The following TENM2 variants were observed in gnomAD, a reference collection of about 807,000 sequenced individuals.
TENM2 encodes teneurin transmembrane protein 2.
In TENM2, 52 loss-of-function variants were observed where a neutral mutation model predicts 245.2. The ratio of observed to expected loss-of-function variants is 0.21; its 90% CI spans 0.17 to 0.27. The LOEUF (loss-of-function observed/expected upper bound fraction) is 0.27, where lower values mean the gene tolerates loss of function less well. TENM2 is among the 10% of genes least tolerant of loss of function. TENM2 has a pLI of 1.00. For synonymous variants in TENM2, 1,363 were observed against 1,438.9 expected (o/e 0.95, Z 1.19); for missense variants, 3,046 against 3,666.8 (o/e 0.83, Z 4.37).
At chr5:167,037,082 T>C in the TENM2 span, among the ~76,000 whole-genome samples, 1 of 152,204 alleles carries the variant, frequency 6.6e-6, no homozygotes. Context: ...TCTCCTTTGA[T>C]CTGAATTTGG....
intron 9 of TENM2, among the ~76,000 whole-genome samples, chr5:168,106,787 G>C (rs1238490055): frequency 1.3e-5 from 2 of 152,212 alleles, no homozygotes; most frequent in Non-Finnish European, 2.9e-5. Context: ...CTGGCCAGGT[G>C]CAGTGGCTCA....
chr5:168,011,776 G>A (rs2617963), intron 5 of TENM2, among the ~76,000 whole-genome samples: 2 of 152,060 alleles, frequency 1.3e-5, no homozygotes, highest in South Asian at 2.1e-4. Flanking sequence ...GAAAAGTACC[G>A]CTGAATGTAA....
the TENM2 span, among the ~76,000 whole-genome samples, chr5:167,078,269 A>C: frequency 6.6e-6 from 1 of 151,990 alleles, no homozygotes; most frequent in Non-Finnish European, 1.5e-5. Flanking sequence ...GGATCTCCTG[A>C]GGTTGGGAGT....
At chr5:167,171,641 A>G in the TENM2 span, among the ~76,000 whole-genome samples, 2 of 152,326 alleles carry the variant, frequency 1.3e-5, no homozygotes, top group East Asian at 3.9e-4. Context: ...GAGCTATGAA[A>G]GATTAACTAC....
chr5:167,135,462 T>G, the TENM2 span, among the ~76,000 whole-genome samples: 1 of 152,256 alleles, frequency 6.6e-6, no homozygotes, highest in Admixed American at 6.5e-5. Context: ...CTCTACATTC[T>G]TGGCTCTTAA....
chr5:167,893,979 C>T (rs1774970741), intron 3 of TENM2, among the ~76,000 whole-genome samples: 1 of 152,172 alleles, frequency 6.6e-6, no homozygotes, highest in Non-Finnish European at 1.5e-5. Context: ...AAGATACAGT[C>T]CCATTATGAA....
the TENM2 span, among the ~76,000 whole-genome samples, chr5:167,279,515 T>TTCCTTCCC: frequency 1.3e-4 from 1 of 7,458 alleles, no homozygotes; most frequent in Non-Finnish European, 2.8e-4. Context: ...CTTCCTTCCT[T>TTCCTTCCC]TCCTTCCTTC....
intron 2 of TENM2, among the ~76,000 whole-genome samples, chr5:167,436,684 T>C (rs1407366175): frequency 6.6e-6 from 1 of 152,126 alleles, no homozygotes; most frequent in Non-Finnish European, 1.5e-5. Flanking sequence ...TTTCATGGAC[T>C]GGGCCCAGGG....
chr5:167,704,014 A>T (rs1758339968), intron 2 of TENM2, among the ~76,000 whole-genome samples: 1 of 152,196 alleles, frequency 6.6e-6, no homozygotes, highest in Admixed American at 6.5e-5. Flanking sequence ...TGTCTTAATA[A>T]GAGAAGAAAT....
At chr5:168,137,350 T>G (rs1378023553) in intron 12 of TENM2, among the ~76,000 whole-genome samples, 1 of 152,204 alleles carries the variant, frequency 6.6e-6, no homozygotes, top group African/African-American at 2.4e-5. Context: ...TCAAAAAGTA[T>G]GCTTTAACTT....
chr5:168,263,572 C>CT (rs1768401509), downstream of TENM2: 1 of 152,596 alleles, frequency 6.6e-6, no homozygotes, highest in Admixed American at 6.5e-5. Context: ...CAGGTCCCAA[C>CT]TAAGTCTGGC....
chr5:167,619,369 A>G (rs1778007195), intron 2 of TENM2, among the ~76,000 whole-genome samples: 1 of 152,048 alleles, frequency 6.6e-6, no homozygotes, highest in African/African-American at 2.4e-5. Context: ...TTTGTCAGAG[A>G]TTGGCATTCT....
chr5:168,027,534 G>A (rs556660686), intron 5 of TENM2, among the ~76,000 whole-genome samples: 6 of 152,244 alleles, frequency 3.9e-5, no homozygotes, highest in East Asian at 3.9e-4. Context: ...TTTGAGCTCC[G>A]TGTTTTTGCC....
At chr5:167,683,249 C>CTTT (rs1554100261) in intron 2 of TENM2, among the ~76,000 whole-genome samples, 13 of 67,320 alleles carry the variant, frequency 1.9e-4, no homozygotes, top group South Asian at 4.9e-4. Flanking sequence ...AGGACCATGT[C>CTTT]TTTTTTTTTT....
At chr5:168,183,406 G>A (rs1760102370) in intron 13 of TENM2, among the ~76,000 whole-genome samples, 1 of 151,948 alleles carries the variant, frequency 6.6e-6, no homozygotes, top group Admixed American at 6.6e-5. Context: ...CCCTTTGACT[G>A]GGGTGCTGCA....
intron 16 of TENM2, 80 bp from the exon 19 acceptor site, chr5:168,199,784 G>A: frequency 6.8e-7 from 1 of 1,468,558 alleles, no homozygotes. Context: ...GAGGGACATA[G>A]CAGACAGACA....
At chr5:168,178,032 T>C (rs1007820979) in intron 13 of TENM2, among the ~76,000 whole-genome samples, 4 of 152,174 alleles carry the variant, frequency 2.6e-5, no homozygotes, top group Non-Finnish European at 4.4e-5. Flanking sequence ...GTCTGGGGCA[T>C]TTCTTTATGC....
chr5:168,198,886 G>A, exon 16 of TENM2: 1 of 1,613,942 alleles, frequency 6.2e-7, no homozygotes, highest in Non-Finnish European at 8.5e-7. Context: ...GTGCTTCCTT[G>A]ACTCTACACT....
At chr5:167,561,577 C>G (rs1484388478) in intron 2 of TENM2, among the ~76,000 whole-genome samples, 1 of 152,144 alleles carries the variant, frequency 6.6e-6, no homozygotes. Flanking sequence ...GATGAAACGT[C>G]TATGTTGTTT....
Sources: gnomAD v4.1 joint callset for allele counts (sites outside exome capture counted in the v4.1 genomes callset) on GRCh38, gnomAD v4.1.1 for gene constraint, MANE v1.5 for transcripts, NCBI Gene and HGNC (gene_info 2026-07-23, HGNC 2026-07-21) for gene names.